Variants in AGAP1 observed in about 807,000 individuals in gnomAD.
The protein encoded by AGAP1 is arf-GAP with GTPase, ANK repeat and PH domain-containing protein 1.
Under a neutral mutation model 105.3 loss-of-function variants are expected in AGAP1, and 29 were observed. The observed-to-expected ratio is 0.28, with a 90% CI of 0.21 to 0.38. The LOEUF (loss-of-function observed/expected upper bound fraction) is 0.38, where lower values mean the gene tolerates loss of function less well. Ranked by LOEUF, AGAP1 falls within the 10% of genes least tolerant of loss-of-function variation. The pLI, the probability that AGAP1 is intolerant of heterozygous loss-of-function variation, is 1.00. For missense variants in AGAP1, 998 were observed against 1,165.1 expected, an observed-to-expected ratio of 0.86 and a Z score of 2.09; for synonymous variants, 509 against 485.9, an observed-to-expected ratio of 1.05 and a Z score of -0.63.
At chr2:235,760,878 C>T (rs577438742) in intron 6 of AGAP1, among the ~76,000 whole-genome samples, 3 of 152,344 alleles carry the variant, frequency 2.0e-5, no homozygotes, top group Admixed American at 6.5e-5. Context: ...GCGTTAGCCA[C>T]CACTCCCAGC....
In AGAP1 at chr2:235,720,719, G is replaced by A; in HGVS notation, c.310+3075G>A. 11 of 985,118 alleles carry A rather than the reference G, an allele frequency of 1.1e-5. No homozygotes were observed. Among genetic ancestry groups the A allele is most frequent in the Non-Finnish European group, 1.1e-5 (9 of 829,676 alleles). 61.0% of individuals were successfully genotyped at this position (985,118 alleles called of 1,614,324 possible). A position where few individuals can be genotyped will look rare whatever the true frequency, so the allele number is the denominator to read the frequency against. On this transcript the variant is annotated intron_variant, in intron 3 of 17. Transcript: ENST00000304032. The surrounding 1 kb of genome is among the most constrained non-coding windows in gnomAD (Gnocchi z 5.0). ...TTCTTCTGATTTAATTAGTGCGTGA[G>A]TATCCTTTATGTCATAATCCTGACC...
At chr2:235,808,375 G>A (rs537967496) in intron 9 of AGAP1, among the ~76,000 whole-genome samples, 1 of 152,344 alleles carries the variant, frequency 6.6e-6, no homozygotes, top group Non-Finnish European at 1.5e-5. Flanking sequence ...AAAGGGGAGA[G>A]TCTTTCCACA....
At chr2:236,019,940 G>A (rs1559197704) in intron 13 of AGAP1, among the ~76,000 whole-genome samples, 1 of 152,212 alleles carries the variant, frequency 6.6e-6, no homozygotes, top group East Asian at 1.9e-4. Flanking sequence ...TCCAGAACCT[G>A]CTCTCTGCAG....
At position 236,044,837 on chromosome 2, in the gene AGAP1, A is replaced by G. The variant is rs1326434471; in HGVS notation, c.1891+3996A>G. ...CCTGGGGGCTTCCTGGCTCTGGTGT[A>G]TCCTAGAATTTTCTTAGCTCTTTTC... On this transcript the variant is annotated intron_variant, in intron 15 of 17. Coordinates refer to ENST00000304032, the MANE Select transcript of AGAP1 (RefSeq NM_001037131.3). This position sits in a 1 kb window ranked among gnomAD's most constrained non-coding sequence, Gnocchi z 5.7. 6.6e-6 allele frequency among the ~76,000 whole-genome samples: 1 copy of G among 151,758 alleles called. No homozygotes were observed. The highest frequency in any genetic ancestry group is 2.1e-4 in the South Asian group (1 of 4,798).
At position 235,741,638 on chromosome 2, in the gene AGAP1, T is replaced by G. The variant is rs1181264783; in HGVS notation, c.396+590T>G. Among the ~76,000 whole-genome samples, 1 of 152,224 alleles carries G rather than the reference T, an allele frequency of 6.6e-6. No individual in the cohort carries two copies. Among genetic ancestry groups the G allele is most frequent in the South Asian group, 2.1e-4 (1 of 4,832 alleles). ...GAGTGTGGAAGATCTCTTTTTTTGG[T>G]TTATTTAACCTGCTTTGTTTTACTT... On this transcript the variant is annotated intron_variant, in intron 4 of 17. Coordinates refer to ENST00000304032, the MANE Select transcript of AGAP1 (RefSeq NM_001037131.3). This position sits in a 1 kb window ranked among gnomAD's most constrained non-coding sequence, Gnocchi z 4.9.
chr2:235,766,018 G>T (rs944318530), intron 6 of AGAP1, among the ~76,000 whole-genome samples: 1 of 152,160 alleles, frequency 6.6e-6, no homozygotes, highest in African/African-American at 2.4e-5. Flanking sequence ...TAGTAGCAAG[G>T]CAGGTGCTAG....
rs2051063213 is a variant in AGAP1 at position 235,901,509 on chromosome 2, G to T, written c.1156-7229G>T. Among the ~76,000 whole-genome samples, 1 of 152,226 alleles carries T rather than the reference G, an allele frequency of 6.6e-6. No homozygotes were observed. The highest frequency in any genetic ancestry group is 2.4e-5 in the African/African-American group (1 of 41,462). ...GTTGTGTACATAAAAGCATACACATGGAGCCAATGGCTGCTTTGCAGACAT... is the reference window on the plus strand; with the variant it reads ...GTTGTGTACATAAAAGCATACACATTGAGCCAATGGCTGCTTTGCAGACAT... On this transcript the variant is annotated intron_variant, in intron 10 of 17. Coordinates refer to ENST00000304032, the MANE Select transcript of AGAP1 (RefSeq NM_001037131.3). The surrounding 1 kb of genome is among the most constrained non-coding windows in gnomAD (Gnocchi z 4.3).
chr2:235,527,506 G>T (rs1372759283), intron 1 of AGAP1, among the ~76,000 whole-genome samples: 2 of 152,156 alleles, frequency 1.3e-5, no homozygotes, highest in Non-Finnish European at 2.9e-5. Context: ...GAATAGCTGG[G>T]ACTACAGGTG....
At position 235,842,119 on chromosome 2, in the gene AGAP1, C is replaced by T. The variant is rs1960931442; in HGVS notation, c.1050+34788C>T. Among the ~76,000 whole-genome samples, 1 of 152,200 alleles carries T rather than the reference C, an allele frequency of 6.6e-6. No individual in the cohort carries two copies. Among genetic ancestry groups the T allele is most frequent in the African/African-American group, 2.4e-5 (1 of 41,458 alleles). ...GCTCACTCCATGGCTGCCCCTCTCC[C>T]CAGCCTGCTGGCGTTGGGCTTCCTC... is the stretch of plus-strand genomic sequence containing the variant. On this transcript the variant is annotated intron_variant, in intron 9 of 17. Coordinates refer to ENST00000304032, the MANE Select transcript of AGAP1 (RefSeq NM_001037131.3). The surrounding 1 kb of genome is among the most constrained non-coding windows in gnomAD (Gnocchi z 5.3).
At chr2:235,525,002 A>AG (rs1172797806) in intron 1 of AGAP1, among the ~76,000 whole-genome samples, 1 of 152,284 alleles carries the variant, frequency 6.6e-6, no homozygotes, top group Non-Finnish European at 1.5e-5. Flanking sequence ...CTTAGTCTGC[A>AG]GAATCTGAAT....
chr2:235,594,883 G>GT (rs34386154), intron 1 of AGAP1, among the ~76,000 whole-genome samples: 13,835 of 109,848 alleles, frequency 0.13, 1,428 homozygotes, highest in African/African-American at 0.26. Context: ...CCAGATTGCT[G>GT]TTTTTTTTTT....
intron 16 of AGAP1, among the ~76,000 whole-genome samples, chr2:236,069,441 C>T (rs1330306189): frequency 6.6e-6 from 1 of 152,002 alleles, no homozygotes. Context: ...GTTTTTCTTT[C>T]GATACAGAGG....
At chr2:235,817,078 C>A (rs1029609723) in intron 9 of AGAP1, among the ~76,000 whole-genome samples, 1 of 152,156 alleles carries the variant, frequency 6.6e-6, no homozygotes, top group African/African-American at 2.4e-5. Context: ...GAGGCTTTGA[C>A]AACCAAACAA....
chr2:235,635,326 C>T lies in AGAP1; in HGVS notation c.164-73853C>T, dbSNP rs779512519. Among the ~76,000 whole-genome samples the T allele has an allele frequency of 2.6e-5, 4 of 152,160 alleles. No homozygotes were observed. The highest frequency in any genetic ancestry group is 4.8e-5 in the African/African-American group (2 of 41,440). On this transcript the variant is annotated intron_variant, in intron 1 of 17. Transcript: ENST00000304032. The surrounding 1 kb of genome is among the most constrained non-coding windows in gnomAD (Gnocchi z 5.3). ...ATGAAGCACTCCCGTGAGTGAGCTG[C>T]GCACAGTCTCCTTGTACAAGCAGGA...
chr2:236,027,694 G>A lies in AGAP1; in HGVS notation c.1646-8867G>A, dbSNP rs1474201429. On this transcript the variant is annotated intron_variant, in intron 13 of 17. Transcript: ENST00000304032. This position sits in a 1 kb window ranked among gnomAD's most constrained non-coding sequence, Gnocchi z 4.4. Reference sequence around the variant, plus strand: ...GGACCCCGCATTGACGAGACAGAGGGGGCCATCTTGTGCTTCTCCAGGGCT... The same window carrying A: ...GGACCCCGCATTGACGAGACAGAGGAGGCCATCTTGTGCTTCTCCAGGGCT... Among the ~76,000 whole-genome samples the A allele has an allele frequency of 6.6e-6, 1 of 152,058 alleles. No individual in the cohort carries two copies. The highest frequency in any genetic ancestry group is 1.5e-5 in the Non-Finnish European group (1 of 68,014).
chr2:235,640,987 A>G (rs770699195), intron 1 of AGAP1, among the ~76,000 whole-genome samples: 9 of 152,296 alleles, frequency 5.9e-5, no homozygotes, highest in Non-Finnish European at 1.2e-4. Flanking sequence ...TCTGATAACA[A>G]TGTCTTTTAT....
rs1046857146 is a variant in AGAP1 at position 236,055,817 on chromosome 2, A to G, written c.2114+6536A>G. Among the ~76,000 whole-genome samples the G allele has an allele frequency of 2.0e-5, 3 of 152,234 alleles. No homozygotes were observed. The highest frequency in any genetic ancestry group is 7.2e-5 in the African/African-American group (3 of 41,466). ...TTTAGCAACTTCTCTTAGCAAGCCA[A>G]CTTGGAATCAGACTGAGAGAACCAT... On this transcript the variant is annotated intron_variant, in intron 16 of 17. Coordinates refer to ENST00000304032, the MANE Select transcript of AGAP1 (RefSeq NM_001037131.3). This position sits in a 1 kb window ranked among gnomAD's most constrained non-coding sequence, Gnocchi z 6.2.
intron 1 of AGAP1, among the ~76,000 whole-genome samples, chr2:235,637,124 A>G (rs769520666): frequency 3.9e-5 from 6 of 152,172 alleles, no homozygotes; most frequent in Admixed American, 2.0e-4. Context: ...CCAGGAAACT[A>G]AAACGTCACC....
At chr2:235,634,549 T>C (rs1946929983) in intron 1 of AGAP1, among the ~76,000 whole-genome samples, 1 of 152,152 alleles carries the variant, frequency 6.6e-6, no homozygotes, top group South Asian at 2.1e-4. Context: ...CCATCTCTAA[T>C]CAGTTCAGCC....
Sources: gnomAD v4.1 joint callset for allele counts (sites outside exome capture counted in the v4.1 genomes callset) on GRCh38, gnomAD v4.1.1 for gene constraint, Gnocchi (gnomAD v3.1) non-coding constraint, MANE v1.5 for transcripts, NCBI Gene and HGNC (gene_info 2026-07-23, HGNC 2026-07-21) for gene names.